Variants in UNK observed in about 807,000 individuals in gnomAD.
The protein encoded by UNK is unk zinc finger, also known as RING finger protein unkempt homolog.
A neutral mutation model predicts 97.6 loss-of-function variants in UNK; 32 were observed. The ratio of observed to expected loss-of-function variants is 0.33; its 90% CI spans 0.25 to 0.44. The LOEUF is 0.44. Ranked by LOEUF, UNK falls within the 20% of genes least tolerant of loss-of-function variation. The pLI, the probability that UNK is intolerant of heterozygous loss-of-function variation, is 1.00. For missense variants in UNK, 771 were observed against 1,098.4 expected, an observed-to-expected ratio of 0.70 and a Z score of 4.21; for synonymous variants, 441 against 461.2, an observed-to-expected ratio of 0.96 and a Z score of 0.56.
chr17:75,785,762 C>T (rs2061704286), intron 1 of UNK: 2 of 152,248 alleles, frequency 1.3e-5, no homozygotes, highest in African/African-American at 4.8e-5. Context: ...CCACGTTAAG[C>T]ATTCCCTAGA....
chr17:75,812,324 G>A, intron 3 of UNK, 36 bp downstream of exon 3: 1 of 1,593,746 alleles, frequency 6.3e-7, no homozygotes, highest in South Asian at 1.1e-5. Flanking sequence ...ATGGCAGTAG[G>A]CTGGGGTCCA....
intron 13 of UNK, chr17:75,821,608 A>G: frequency 2.2e-6 from 1 of 456,684 alleles, no homozygotes; most frequent in South Asian, 1.5e-5. Flanking sequence ...TGTGTGTCTC[A>G]GAGAGCAAAG....
rs1358632446 is a variant in UNK at position 75,798,922 on chromosome 17, C to G, written c.105-10838C>G. Among the ~76,000 whole-genome samples the G allele has an allele frequency of 2.0e-5, 3 of 152,072 alleles. No individual in the cohort carries two copies. The South Asian group carries it at 6.2e-4, about 32-fold the overall frequency. On this transcript the variant is annotated intron_variant, in intron 1 of 15. Coordinates refer to ENST00000589666, the MANE Select transcript of UNK (RefSeq NM_001080419.3). ...TCTACTAAAAATACAAAAAAATTAG[C>G]CAGGCGTGGTGGCGGGCGCCTGTAG...
At chr17:75,792,974 T>C (rs1036774419) in intron 1 of UNK, among the ~76,000 whole-genome samples, 7 of 152,252 alleles carry the variant, frequency 4.6e-5, no homozygotes, top group African/African-American at 1.7e-4. Flanking sequence ...CTTGGTGCCC[T>C]TTTCCCAGCT....
At chr17:75,805,810 A>ATGTGTGTGTG (rs61000364) in intron 1 of UNK, among the ~76,000 whole-genome samples, 11,398 of 145,294 alleles carry the variant, frequency 0.078, 515 homozygotes, top group Non-Finnish European at 0.1. Context: ...AAAAAGAAAA[A>ATGTGTGTGTG]TGTGTGTGTG....
chr17:75,809,688 T>C (rs1322852470), intron 1 of UNK, 72 bp from the exon 2 acceptor site: 5 of 1,521,698 alleles, frequency 3.3e-6, no homozygotes, highest in Non-Finnish European at 3.6e-6. Flanking sequence ...ACTTGGCGGC[T>C]AACTTCTTGC....
chr17:75,784,990 TAG>T lies in UNK; in HGVS notation c.104+9_104+10del. On this transcript the variant is annotated splice_region_variant and intron_variant, in intron 1 of 15. Transcript: ENST00000589666. ...GAGAAACCGCAGCACTACACGTACG[TAG>T]AGCCCCCCCCCCCCCGCCGCGCGCG... The T allele has an allele frequency of 7.4e-7, 1 of 1,356,534 alleles. No homozygotes were observed. Among genetic ancestry groups the T allele is most frequent in the Non-Finnish European group, 9.7e-7 (1 of 1,035,458 alleles). 84.0% of individuals were successfully genotyped at this position (1,356,534 alleles called of 1,614,324 possible).
chr17:75,788,099 A>G (rs1159052595), intron 1 of UNK, among the ~76,000 whole-genome samples: 1 of 152,000 alleles, frequency 6.6e-6, no homozygotes, highest in Non-Finnish European at 1.5e-5. Flanking sequence ...ATAATAATTG[A>G]TCATTGATAA....
chr17:75,786,629 CGGATCGCATGAG>C, intron 1 of UNK, among the ~76,000 whole-genome samples: 1 of 152,182 alleles, frequency 6.6e-6, no homozygotes, highest in Admixed American at 6.5e-5. Context: ...GAGGCCGAGG[CGGATCGCATGAG>C]GTCAGGAGTG....
chr17:75,815,237 C>T lies in UNK; in HGVS notation c.945C>T (p.Ala315=), dbSNP rs1243450894. 2 of 1,613,364 alleles carry T rather than the reference C, an allele frequency of 1.2e-6. No homozygotes were observed. Among genetic ancestry groups the T allele is most frequent in the Admixed American group, 1.7e-5 (1 of 60,012 alleles). The change falls in exon 7 of 16, where the codon GCC becomes GCT. Residue 315 remains alanine, a synonymous_variant. Transcript: ENST00000589666. ...GCTGTCCCCGAGGACCCTTCTGCGC[C>T]TTTGCCCACGTAGAACGTATGCTGT... ...SGSCPRGPFC[A]FAHVEQPPLS...
chr17:75,789,841 C>CTGT (rs2061747046), intron 1 of UNK, among the ~76,000 whole-genome samples: 1 of 152,064 alleles, frequency 6.6e-6, no homozygotes, highest in Admixed American at 6.6e-5. Flanking sequence ...AACAGTTATA[C>CTGT]TATTGAAAGT....
Position 75,824,234 on chromosome 17 carries a change from G to T in UNK, c.2278-28G>T. On this transcript the variant is annotated intron_variant, in intron 15 of 15. Coordinates refer to ENST00000589666, the MANE Select transcript of UNK (RefSeq NM_001080419.3). The surrounding 1 kb of genome is among the most constrained non-coding windows in gnomAD (Gnocchi z 4.9). ...TCAACTTGGGGCCAGACCCATGGAT[G>T]GTGACCACGATGCCCCTTTCCCTGC... 1 of 1,562,612 alleles carries T rather than the reference G, an allele frequency of 6.4e-7. No homozygotes were observed.
intron 1 of UNK, among the ~76,000 whole-genome samples, chr17:75,804,825 A>G (rs2061895764): frequency 6.6e-6 from 1 of 150,754 alleles, no homozygotes; most frequent in Non-Finnish European, 1.5e-5. Context: ...TGGTCAACAG[A>G]GCGAGACTCT....
At position 75,817,641 on chromosome 17, in the gene UNK, C is replaced by A; in HGVS notation, c.1305+115C>A. On this transcript the variant is annotated intron_variant, in intron 9 of 15. Transcript: ENST00000589666. This position sits in a 1 kb window ranked among gnomAD's most constrained non-coding sequence, Gnocchi z 5.8. ...AGGATGACTGGGAGCTAGGACTCCACTGTCCTCGGCCTCTTCAGGACTGAA... is the reference window on the plus strand; with the variant it reads ...AGGATGACTGGGAGCTAGGACTCCAATGTCCTCGGCCTCTTCAGGACTGAA... The A allele has an allele frequency of 8.8e-7, 1 of 1,137,188 alleles. No homozygotes were observed. The highest frequency in any genetic ancestry group is 1.2e-6 in the Non-Finnish European group (1 of 807,960). The allele number at this position is 1,137,188 out of a possible 1,614,324, so 70.4% of individuals were successfully genotyped here. A position where few individuals can be genotyped will look rare whatever the true frequency, so the allele number is the denominator to read the frequency against.
In UNK at chr17:75,819,903, C is replaced by T. The variant is rs753401238; in HGVS notation, c.1649-17C>T. The T allele has an allele frequency of 4.4e-6, 7 of 1,604,196 alleles. No homozygotes were observed. The East Asian group carries it at 1.3e-4, about 31-fold the overall frequency. ...GCTGCCCTCACCCAGCCCGTCCTCC[C>T]CGGGCCTCTCTTGCAGGCGGCAGCT... On this transcript the variant is annotated splice_polypyrimidine_tract_variant and intron_variant, in intron 12 of 15. Transcript: ENST00000589666. The surrounding 1 kb of genome is among the most constrained non-coding windows in gnomAD (Gnocchi z 5.4).
In UNK at chr17:75,825,527, G is replaced by A. The variant is rs1274448951; in HGVS notation, c.*1110G>A. ...TGTGTGCCTGTCCAGTGTATATTGT[G>A]TCTTAGCTTCCATTTTAAAAATTGT... On this transcript the variant is annotated 3_prime_UTR_variant, in exon 16 of 16. Coordinates refer to ENST00000589666, the MANE Select transcript of UNK (RefSeq NM_001080419.3). The surrounding 1 kb of genome is among the most constrained non-coding windows in gnomAD (Gnocchi z 4.4). 1.3e-5 allele frequency: 2 copies of A among 152,528 alleles called. No homozygotes were observed. The highest frequency in any genetic ancestry group is 2.9e-5 in the Non-Finnish European group (2 of 68,102). 9.4% of individuals were successfully genotyped at this position (152,528 alleles called of 1,614,324 possible). A position where few individuals can be genotyped will look rare whatever the true frequency, so the allele number is the denominator to read the frequency against.
intron 6 of UNK, 141 bp from the exon 7 acceptor site, chr17:75,815,028 G>A (rs974607289): frequency 9.1e-6 from 6 of 659,852 alleles, no homozygotes; most frequent in Admixed American, 2.6e-5. Flanking sequence ...CTGGTAGGGA[G>A]AGACATAGTG....
rs367545905 is a variant in UNK at position 75,816,798 on chromosome 17, T to C, written c.990T>C (p.Pro330=). 219 of 1,605,762 alleles carry C rather than the reference T, an allele frequency of 1.4e-4. 1 individual carries two copies. The highest frequency in any genetic ancestry group is 9.2e-4 in the Middle Eastern group (5 of 5,414). Residue 330 remains proline, a synonymous_variant, in exon 8 of 16, where the codon CCT becomes CCC. Coordinates refer to ENST00000589666, the MANE Select transcript of UNK (RefSeq NM_001080419.3). The surrounding 1 kb of genome is among the most constrained non-coding windows in gnomAD (Gnocchi z 4.0). ...EQPPLSDDLQ[P]SSAVSSPTQP... is the part of the protein sequence containing the mutation. ...CACCCCTGAGTGACGACCTGCAGCC[T>C]TCCTCAGCTGTGTCCAGCCCCACCC...
At chr17:75,800,992 C>T (rs564169234) in intron 1 of UNK, among the ~76,000 whole-genome samples, 1 of 151,862 alleles carries the variant, frequency 6.6e-6, no homozygotes, top group Non-Finnish European at 1.5e-5. Flanking sequence ...CAAGCTCTGT[C>T]TCCCGGGTTC....
Sources: gnomAD v4.1 joint callset for allele counts (sites outside exome capture counted in the v4.1 genomes callset) on GRCh38, gnomAD v4.1.1 for gene constraint, Gnocchi (gnomAD v3.1) non-coding constraint, MANE v1.5 for transcripts, NCBI Gene and HGNC (gene_info 2026-07-23, HGNC 2026-07-21) for gene names.